ROBO1: variants seen among roughly 807,000 people sequenced by gnomAD.
ROBO1 encodes the protein roundabout guidance receptor 1, also known as roundabout homolog 1.
A neutral mutation model predicts 195.9 loss-of-function variants in ROBO1; 149 were observed. That is an observed-to-expected ratio of 0.76 (90% CI 0.67 to 0.87). The LOEUF is 0.87. Ranked by LOEUF, ROBO1 falls within the 40% of genes least tolerant of loss-of-function variation. The probability of loss-of-function intolerance (pLI) is 0.00; values close to 1 mark genes in which losing one functional copy is unlikely to be tolerated. For synonymous variants in ROBO1, 816 were observed against 733.2 expected (o/e 1.11, Z -1.82); for missense variants, 1,933 against 2,068.3 (o/e 0.93, Z 1.27).
At chr3:79,614,729 C>G (rs755739040) in intron 1 of ROBO1, among the ~76,000 whole-genome samples, 2 of 151,992 alleles carry the variant, frequency 1.3e-5, no homozygotes, top group Non-Finnish European at 2.9e-5. Context: ...TTTGCCAGTT[C>G]CATTGATCAC....
At chr3:78,682,132 T>C (rs2080929883) in intron 10 of ROBO1, among the ~76,000 whole-genome samples, 1 of 152,116 alleles carries the variant, frequency 6.6e-6, no homozygotes, top group Admixed American at 6.5e-5. Flanking sequence ...TTGTATCTGG[T>C]GGTAAAATAT....
chr3:78,681,833 C>T (rs896155055), intron 10 of ROBO1, among the ~76,000 whole-genome samples: 1 of 152,016 alleles, frequency 6.6e-6, no homozygotes, highest in East Asian at 1.9e-4. Context: ...ACCTGGGAGG[C>T]GGAGCTTACA....
Position 78,597,743 on chromosome 3 carries a change from AAAGT to A in ROBO1, c.*1166_*1169del, listed in dbSNP as rs1371819336. On this transcript the variant is annotated 3_prime_UTR_variant, in exon 31 of 31. Transcript: ENST00000464233. ...CCTCTTTTTTTCTTTAAGTCCAGGA[AAAGT>A]AAGAACCATTTGGTTCATGGCCCAC... 7 of 152,706 alleles carry A rather than the reference AAAGT, an allele frequency of 4.6e-5. No individual in the cohort carries two copies. The highest frequency in any genetic ancestry group is 1.3e-4 in the Admixed American group (2 of 15,292). The allele number at this position is 152,706 out of a possible 1,614,324, so 9.5% of individuals were successfully genotyped here.
At chr3:79,562,710 T>C (rs1479194050) in intron 2 of ROBO1, among the ~76,000 whole-genome samples, 1 of 152,054 alleles carries the variant, frequency 6.6e-6, no homozygotes, top group Non-Finnish European at 1.5e-5. Flanking sequence ...TTTTATCATA[T>C]TATTTTTCGT....
chr3:79,127,922 G>A (rs2080247197), intron 2 of ROBO1, among the ~76,000 whole-genome samples: 1 of 152,044 alleles, frequency 6.6e-6, no homozygotes, highest in Non-Finnish European at 1.5e-5. Flanking sequence ...AATCTACCTT[G>A]TTCTGCCTTT....
At chr3:78,801,295 G>A (rs965255384) in intron 4 of ROBO1, among the ~76,000 whole-genome samples, 4 of 152,092 alleles carry the variant, frequency 2.6e-5, no homozygotes, top group African/African-American at 4.8e-5. Context: ...AGGCATATTC[G>A]ATTATGAAAT....
In ROBO1 at chr3:79,537,148, A is replaced by G. The variant is rs1374753234; in HGVS notation, c.88+52676T>C. Among the ~76,000 whole-genome samples the G allele has an allele frequency of 3.3e-5, 5 of 151,064 alleles. No homozygotes were observed. In the South Asian group the frequency reaches 8.3e-4, roughly 25 times the overall value. On this transcript the variant is annotated intron_variant, in intron 2 of 30. Transcript: ENST00000464233. ...TGACTCAACACTTTTATTTCCAAAG[A>G]TACAGAGAACCTGAGAGATTAAGTG...
At chr3:78,750,004 T>A (rs1394034945) in intron 4 of ROBO1, among the ~76,000 whole-genome samples, 1 of 152,212 alleles carries the variant, frequency 6.6e-6, no homozygotes, top group Non-Finnish European at 1.5e-5. Context: ...ATTGTAACAA[T>A]ATAATGTTTC....
At chr3:79,138,521 C>T (rs2080460416) in intron 2 of ROBO1, among the ~76,000 whole-genome samples, 2 of 151,928 alleles carry the variant, frequency 1.3e-5, no homozygotes, top group South Asian at 4.1e-4. Flanking sequence ...TGGTAAATTA[C>T]TATTTCTAAT....
intron 2 of ROBO1, among the ~76,000 whole-genome samples, chr3:79,477,557 A>C (rs567349172): frequency 6.6e-6 from 1 of 152,314 alleles, no homozygotes; most frequent in South Asian, 2.1e-4. Context: ...TAAACAAAAA[A>C]CAAAAAACAA....
chr3:78,630,725 A>G (rs1424758751), intron 25 of ROBO1, among the ~76,000 whole-genome samples: 1 of 152,186 alleles, frequency 6.6e-6, no homozygotes, highest in Admixed American at 6.5e-5. Flanking sequence ...TTACATTTCT[A>G]CAGAGTTCTC....
At chr3:79,596,831 A>G (rs907876293) in intron 1 of ROBO1, among the ~76,000 whole-genome samples, 4 of 152,040 alleles carry the variant, frequency 2.6e-5, no homozygotes, top group Admixed American at 1.3e-4. Flanking sequence ...GCATATGGGA[A>G]GATGAAGCTC....
chr3:79,237,648 C>T (rs978570700), intron 2 of ROBO1, among the ~76,000 whole-genome samples: 5 of 151,868 alleles, frequency 3.3e-5, no homozygotes, highest in South Asian at 2.1e-4. Context: ...TTAATTTCTC[C>T]GGCGGTCACT....
chr3:78,921,806 T>C (rs1002893959), intron 4 of ROBO1, among the ~76,000 whole-genome samples: 1 of 152,040 alleles, frequency 6.6e-6, no homozygotes, highest in African/African-American at 2.4e-5. Context: ...TTTTTTTTTT[T>C]TGAAACAGAA....
At chr3:79,186,058 A>G (rs2081431842) in intron 2 of ROBO1, among the ~76,000 whole-genome samples, 1 of 152,086 alleles carries the variant, frequency 6.6e-6, no homozygotes, top group Non-Finnish European at 1.5e-5. Context: ...CAAGAGCCAA[A>G]GACAGTGAGT....
chr3:79,657,033 T>C (rs1370377307), intron 1 of ROBO1, among the ~76,000 whole-genome samples: 1 of 152,150 alleles, frequency 6.6e-6, no homozygotes, highest in Non-Finnish European at 1.5e-5. Context: ...TCTTAGTATG[T>C]CAGATTTGTG....
At chr3:79,715,014 T>A (rs13085668) in intron 1 of ROBO1, among the ~76,000 whole-genome samples, 44,109 of 151,800 alleles carry the variant, frequency 0.29, 8,460 homozygotes, top group African/African-American at 0.55. Flanking sequence ...TAAAATTTTT[T>A]AAAAAAGTGG....
intron 26 of ROBO1, among the ~76,000 whole-genome samples, chr3:78,620,883 ATGTG>A (rs199578004): frequency 2.8e-5 from 4 of 144,622 alleles, no homozygotes; most frequent in Non-Finnish European, 4.5e-5. Flanking sequence ...ATATATATAT[ATGTG>A]TGTGTGTGTG....
Position 78,668,204 on chromosome 3 carries a change from CTG to C in ROBO1, c.1727_1728del (p.Thr576SerfsTer29). 1 of 1,613,490 alleles carries C rather than the reference CTG, an allele frequency of 6.2e-7. No individual in the cohort carries two copies. Among genetic ancestry groups the C allele is most frequent in the Non-Finnish European group, 8.5e-7 (1 of 1,179,486 alleles). ...AAATTTGGTTGCCACGATAATGTGA[CTG>C]TATTTCTGCTGACATCTGTCACTTC... ...KPEVTDVSRN[T>X]VTLSWQPNLN... is the part of the protein sequence containing the mutation. On this transcript the variant is annotated frameshift_variant, in exon 13 of 31. Coordinates refer to ENST00000464233, the MANE Select transcript of ROBO1 (RefSeq NM_002941.4). LOFTEE classifies it high-confidence loss of function.
Sources: gnomAD v4.1 joint callset for allele counts (sites outside exome capture counted in the v4.1 genomes callset) on GRCh38, gnomAD v4.1.1 for gene constraint, MANE v1.5 for transcripts, NCBI Gene and HGNC (gene_info 2026-07-23, HGNC 2026-07-21) for gene names.